The following TTLL12 variants were observed in gnomAD, a reference collection of about 807,000 sequenced individuals.
TTLL12 encodes tubulin--tyrosine ligase-like protein 12.
TTLL12 carries 77 observed loss-of-function variants against 79.6 expected under a neutral mutation model. That is an observed-to-expected ratio of 0.97 (90% CI 0.81 to 1.17). The LOEUF is 1.17. TTLL12 is among the 50% of genes most tolerant of loss of function. TTLL12 has a pLI of 0.00. For missense variants in TTLL12, 969 were observed against 895.9 expected, an observed-to-expected ratio of 1.08 and a Z score of -1.04; for synonymous variants, 437 against 376.1, an observed-to-expected ratio of 1.16 and a Z score of -1.87.
intron 11 of TTLL12, among the ~76,000 whole-genome samples, chr22:43,170,956 A>T (rs1931749590): frequency 1.3e-5 from 2 of 152,198 alleles, no homozygotes; most frequent in Non-Finnish European, 2.9e-5. Context: ...TAAGCAAAAC[A>T]GCAGCTTGAA....
intron 8 of TTLL12, 126 bp downstream of exon 8, chr22:43,174,083 G>A (rs907206937): frequency 7.3e-5 from 96 of 1,309,378 alleles, no homozygotes; most frequent in South Asian, 3.7e-4. Flanking sequence ...CGTGACGTTC[G>A]GGGCCCACAG....
chr22:43,174,173 G>T, intron 8 of TTLL12, 36 bp downstream of exon 8: 3 of 1,589,708 alleles, frequency 1.9e-6, no homozygotes, highest in Non-Finnish European at 2.6e-6. Context: ...GGGGAAAAGG[G>T]CCATGGAGCA....
chr22:43,174,644 C>T (rs753475692), intron 6 of TTLL12, 29 bp from the exon 7 acceptor site: 3 of 1,541,814 alleles, frequency 1.9e-6, no homozygotes, highest in Non-Finnish European at 2.7e-6. Context: ...CTGGGTGATC[C>T]CGGCTCCCAA....
chr22:43,167,954 G>T lies in TTLL12; in HGVS notation c.*54C>A. On this transcript the variant is annotated 3_prime_UTR_variant, in exon 14 of 14. Transcript: ENST00000216129. ...TGGGGGCCTTTGCAGAAGCAGCTCA[G>T]AGAACTGAGGTTGGAATCCTGCCCC... 2 of 1,586,196 alleles carry T rather than the reference G, an allele frequency of 1.3e-6. No individual in the cohort carries two copies. The highest frequency in any genetic ancestry group is 1.1e-5 in the South Asian group (1 of 87,602).
chr22:43,168,395 G>A (rs556819087), intron 13 of TTLL12, among the ~76,000 whole-genome samples: 2 of 151,360 alleles, frequency 1.3e-5, no homozygotes, highest in Admixed American at 1.3e-4. Context: ...AGGGATGACA[G>A]CCTGGCCCTT....
At chr22:43,177,363 T>A in intron 5 of TTLL12, among the ~76,000 whole-genome samples, 1 of 151,394 alleles carries the variant, frequency 6.6e-6, no homozygotes, top group East Asian at 1.9e-4. Context: ...CAAGACCCTA[T>A]CTTTTTTAAA....
chr22:43,168,414 G>T (rs1241633313), intron 13 of TTLL12, among the ~76,000 whole-genome samples: 2 of 140,432 alleles, frequency 1.4e-5, no homozygotes, highest in Non-Finnish European at 3.1e-5. Context: ...TTTAAGCTTG[G>T]ATGTTCAGTT....
Position 43,174,221 on chromosome 22 carries a change from T to G in TTLL12, c.1217A>C (p.Gln406Pro). 6.2e-7 allele frequency: 1 copy of G among 1,603,498 alleles called. No homozygotes were observed. Among genetic ancestry groups the G allele is most frequent in the Non-Finnish European group, 8.5e-7 (1 of 1,179,814 alleles). The change falls in exon 8 of 14, where the codon CAG becomes CCG. Residue 406 changes from glutamine to proline, a missense_variant. Coordinates refer to ENST00000216129, the MANE Select transcript of TTLL12 (RefSeq NM_015140.4). ...ELPQFVSYFQ[Q>P]RERWGEDNHW... ...GTCTGGGACTTACCACCTTTCCCGC[T>G]GCTGGAAGTAGCTGACAAACTGGGG... is the stretch of plus-strand genomic sequence containing the variant.
chr22:43,176,359 T>G lies in TTLL12; in HGVS notation c.878A>C (p.Asp293Ala). ...GTGGGGGTGCACCACGGGGTTGATG[T>G]CAAGTGGCAGCTTCTCCTTGTTTTC... is the stretch of plus-strand genomic sequence containing the variant. Reference protein sequence around the residue: ...LEENKEKLPLDINPVVHPHGH... With the variant: ...LEENKEKLPLAINPVVHPHGH... Residue 293 changes from aspartate to alanine, a missense_variant, in exon 6 of 14, where the codon GAC (aspartate) becomes GCC (alanine). Coordinates refer to ENST00000216129, the MANE Select transcript of TTLL12 (RefSeq NM_015140.4). 2 of 1,605,384 alleles carry G rather than the reference T, an allele frequency of 1.2e-6. No homozygotes were observed. The highest frequency in any genetic ancestry group is 1.7e-6 in the Non-Finnish European group (2 of 1,177,096).
rs113562869 is a variant in TTLL12, at chr22:43,168,349, G to T, written c.1784-190C>A. On this transcript the variant is annotated intron_variant, in intron 13 of 13. Transcript: ENST00000216129. Reference sequence around the variant, plus strand: ...GCTGGGGAGGCCTGGCCTGACATCTGCTTCTCTAGGAGAGGCCAGGGCTGC... The same window carrying T: ...GCTGGGGAGGCCTGGCCTGACATCTTCTTCTCTAGGAGAGGCCAGGGCTGC... Among the ~76,000 whole-genome samples the T allele has an allele frequency of 9.9e-3, 1,503 of 152,030 alleles. 27 individuals are homozygous for T. Among genetic ancestry groups the T allele is most frequent in the African/African-American group, 0.032 (1,340 of 41,440 alleles).
At position 43,180,662 on chromosome 22, in the gene TTLL12, C is replaced by G; in HGVS notation, c.546+80G>C. ...GTTGCTTGCTCTGGCCGGCCCCTCA[C>G]CCGGCCTGATGGCACAGGGCAGCGG... On this transcript the variant is annotated intron_variant, in intron 3 of 13. Transcript: ENST00000216129. 3 of 1,505,874 alleles carry G rather than the reference C, an allele frequency of 2.0e-6. No homozygotes were observed. The Admixed American group carries it at 5.4e-5, about 27-fold the overall frequency. 93.3% of individuals were successfully genotyped at this position (1,505,874 alleles called of 1,614,324 possible). A position where few individuals can be genotyped will look rare whatever the true frequency, so the allele number is the denominator to read the frequency against.
In TTLL12 at chr22:43,168,750, C is replaced by T. The variant is rs764715037; in HGVS notation, c.1783+24G>A. ...GGAGGGGGCGCCTGCTGGTTTGGAT[C>T]AGGAGATGGGGAGCCCCTCTTACCA... On this transcript the variant is annotated intron_variant, in intron 13 of 13. Coordinates refer to ENST00000216129, the MANE Select transcript of TTLL12 (RefSeq NM_015140.4). The T allele has an allele frequency of 1.9e-6, 3 of 1,549,054 alleles. No homozygotes were observed. In the South Asian group the frequency reaches 3.6e-5, roughly 18 times the overall value.
In TTLL12 at chr22:43,179,756, T is replaced by C; in HGVS notation, c.707-4A>G. 1 of 1,559,952 alleles carries C rather than the reference T, an allele frequency of 6.4e-7. No homozygotes were observed. The highest frequency in any genetic ancestry group is 8.7e-7 in the Non-Finnish European group (1 of 1,151,292). On this transcript the variant is annotated splice_region_variant and splice_polypyrimidine_tract_variant and intron_variant, in intron 4 of 13. Coordinates refer to ENST00000216129, the MANE Select transcript of TTLL12 (RefSeq NM_015140.4). ...GCAAAGTCTCGGGTCACCTCCTCTGTGCCAAGACATGAGTGCCCATCAGAG... is the reference window on the plus strand; with the variant it reads ...GCAAAGTCTCGGGTCACCTCCTCTGCGCCAAGACATGAGTGCCCATCAGAG...
At chr22:43,184,580 C>G (rs1045375389) in intron 1 of TTLL12, among the ~76,000 whole-genome samples, 44 of 152,348 alleles carry the variant, frequency 2.9e-4, no homozygotes, top group African/African-American at 1.0e-3. Context: ...AACCAGGGGT[C>G]ACATGAGAGA....
At chr22:43,186,819 C>A in intron 1 of TTLL12, 74 bp downstream of exon 1, 2 of 1,219,554 alleles carry the variant, frequency 1.6e-6, no homozygotes, top group Non-Finnish European at 2.0e-6. Context: ...GAGCGCTCTT[C>A]CCTGTCCCGC....
chr22:43,179,417 GC>G (rs1931995036), intron 5 of TTLL12, among the ~76,000 whole-genome samples: 1 of 152,078 alleles, frequency 6.6e-6, no homozygotes, highest in Non-Finnish European at 1.5e-5. Context: ...GGGATCTGGA[GC>G]CCCCACCGTG....
At chr22:43,171,083 A>G (rs1931752646) in intron 11 of TTLL12, among the ~76,000 whole-genome samples, 1 of 152,170 alleles carries the variant, frequency 6.6e-6, no homozygotes, top group South Asian at 2.1e-4. Context: ...CGGCACCTGC[A>G]AGGCTGGCGA....
chr22:43,167,658 C>T lies in TTLL12; in HGVS notation c.*350G>A. On this transcript the variant is annotated 3_prime_UTR_variant, in exon 14 of 14. Coordinates refer to ENST00000216129, the MANE Select transcript of TTLL12 (RefSeq NM_015140.4). ...GCTCCACGGAACCCTTCCCCCAGCA[C>T]CCCCTGGAAACACAGCAGCCAGGAA... 4.9e-6 allele frequency: 1 copy of T among 204,260 alleles called. No homozygotes were observed. 12.7% of individuals were successfully genotyped at this position (204,260 alleles called of 1,614,324 possible). A position where few individuals can be genotyped will look rare whatever the true frequency, so the allele number is the denominator to read the frequency against.
chr22:43,181,495 G>A (rs1181663158), intron 2 of TTLL12, among the ~76,000 whole-genome samples: 1 of 152,232 alleles, frequency 6.6e-6, no homozygotes, highest in Non-Finnish European at 1.5e-5. Flanking sequence ...AAGCACCAAG[G>A]CCTTTGTGTG....
Sources: gnomAD v4.1 joint callset for allele counts (sites outside exome capture counted in the v4.1 genomes callset) on GRCh38, gnomAD v4.1.1 for gene constraint, MANE v1.5 for transcripts, NCBI Gene and HGNC (gene_info 2026-07-23, HGNC 2026-07-21) for gene names.